RPS6KC1: variants seen among roughly 807,000 people sequenced by gnomAD.
The protein encoded by RPS6KC1 is ribosomal protein S6 kinase C1, also known as inactive ribosomal protein S6 kinase delta-1.
Under a neutral mutation model 103.8 loss-of-function variants are expected in RPS6KC1, and 54 were observed. The ratio of observed to expected loss-of-function variants is 0.52; its 90% CI spans 0.42 to 0.65. The LOEUF is 0.65. RPS6KC1 is among the 30% of genes least tolerant of loss of function. The pLI is 0.00. For synonymous variants in RPS6KC1, 439 were observed against 438.7 expected (o/e 1.00, Z -0.01); for missense variants, 1,151 against 1,253.8 (o/e 0.92, Z 1.24).
intron 1 of RPS6KC1, among the ~76,000 whole-genome samples, chr1:213,057,752 CTTTTTT>C (rs869259657): frequency 1.4e-5 from 1 of 73,664 alleles, no homozygotes; most frequent in Admixed American, 2.1e-4. Flanking sequence ...TCTGAAGTAT[CTTTTTT>C]TTTTTTTTTT....
intron 12 of RPS6KC1, among the ~76,000 whole-genome samples, chr1:213,252,068 T>C (rs1452653810): frequency 2.0e-5 from 3 of 152,228 alleles, no homozygotes; most frequent in Non-Finnish European, 4.4e-5. Context: ...TATTGTTGGA[T>C]ACAAAAAATG....
At chr1:213,716,019 G>A in the RPS6KC1 span, among the ~76,000 whole-genome samples, 9 of 152,056 alleles carry the variant, frequency 5.9e-5, no homozygotes, top group Non-Finnish European at 1.3e-4. Context: ...TAAGCTCCAT[G>A]AAATGCTTTG....
intron 8 of RPS6KC1, among the ~76,000 whole-genome samples, chr1:213,197,489 A>G (rs1237697275): frequency 6.6e-6 from 1 of 152,026 alleles, no homozygotes; most frequent in African/African-American, 2.4e-5. Flanking sequence ...TTCCTTGTAG[A>G]GATCTTTCAC....
At chr1:213,340,085 G>A in the RPS6KC1 span, among the ~76,000 whole-genome samples, 1 of 152,182 alleles carries the variant, frequency 6.6e-6, no homozygotes, top group East Asian at 1.9e-4. Flanking sequence ...GTAGAGACAG[G>A]TTGGTCAGGC....
chr1:213,616,675 G>A, the RPS6KC1 span, among the ~76,000 whole-genome samples: 1 of 152,256 alleles, frequency 6.6e-6, no homozygotes, highest in African/African-American at 2.4e-5. Flanking sequence ...AGGCTTAATA[G>A]CTACGTAACA....
the RPS6KC1 span, among the ~76,000 whole-genome samples, chr1:213,809,370 T>C: frequency 6.6e-6 from 1 of 152,158 alleles, no homozygotes; most frequent in African/African-American, 2.4e-5. Context: ...CAGATCACCA[T>C]ACCAGATATA....
At chr1:213,084,232 A>G (rs2148597074) in intron 3 of RPS6KC1, among the ~76,000 whole-genome samples, 2 of 151,784 alleles carry the variant, frequency 1.3e-5, no homozygotes, top group East Asian at 3.9e-4. Context: ...ACGTAATTTT[A>G]CATTATTTTA....
At chr1:213,117,712 G>T (rs1442814418) in intron 5 of RPS6KC1, among the ~76,000 whole-genome samples, 3 of 151,516 alleles carry the variant, frequency 2.0e-5, no homozygotes, top group Non-Finnish European at 4.4e-5. Context: ...TTCAGAATTT[G>T]TATTGTCTAG....
chr1:213,144,779 T>TA (rs1030609970), intron 6 of RPS6KC1, among the ~76,000 whole-genome samples: 4 of 151,122 alleles, frequency 2.6e-5, no homozygotes, highest in Non-Finnish European at 4.4e-5. Context: ...GTAGTCACAT[T>TA]AAAAAAAAAG....
At chr1:213,509,975 C>G in the RPS6KC1 span, among the ~76,000 whole-genome samples, 4 of 152,206 alleles carry the variant, frequency 2.6e-5, no homozygotes, top group African/African-American at 9.7e-5. Flanking sequence ...TATCTGGTCT[C>G]TTTCCCATCT....
At chr1:213,281,267 G>A in the RPS6KC1 span, among the ~76,000 whole-genome samples, 1 of 152,198 alleles carries the variant, frequency 6.6e-6, no homozygotes, top group Non-Finnish European at 1.5e-5. Context: ...TCAAGTGTAA[G>A]GCTCCGAGTA....
chr1:213,760,417 C>A, the RPS6KC1 span, among the ~76,000 whole-genome samples: 17 of 152,334 alleles, frequency 1.1e-4, no homozygotes, highest in African/African-American at 4.1e-4. Flanking sequence ...CATCCTCCCC[C>A]AGGTCAGCCC....
At chr1:213,649,443 C>T in the RPS6KC1 span, among the ~76,000 whole-genome samples, 2 of 152,090 alleles carry the variant, frequency 1.3e-5, no homozygotes, top group Admixed American at 6.5e-5. Flanking sequence ...ACCTAGCCCT[C>T]TGGCCACAGG....
At chr1:213,329,543 G>A in the RPS6KC1 span, among the ~76,000 whole-genome samples, 1 of 151,492 alleles carries the variant, frequency 6.6e-6, no homozygotes, top group Admixed American at 6.6e-5. Context: ...GCCTTCTGTA[G>A]CCCGTCCAGA....
intron 3 of RPS6KC1, among the ~76,000 whole-genome samples, chr1:213,093,587 A>G (rs940023989): frequency 1.3e-5 from 2 of 152,158 alleles, no homozygotes; most frequent in East Asian, 1.9e-4. Flanking sequence ...GTAATTTTGC[A>G]TATGATCGAG....
intron 12 of RPS6KC1, among the ~76,000 whole-genome samples, chr1:213,260,218 A>C (rs991683225): frequency 6.6e-6 from 1 of 152,216 alleles, no homozygotes; most frequent in Admixed American, 6.5e-5. Context: ...GAATTAGTTA[A>C]TATCTGGTTT....
rs57356088 is a variant in RPS6KC1, at chr1:213,177,276, C to T, written c.1044+784C>T. On this transcript the variant is annotated intron_variant, in intron 8 of 14. Coordinates refer to ENST00000366960, the MANE Select transcript of RPS6KC1 (RefSeq NM_012424.6). ...ACAAACCATGTTTTAAGTATATTTGCTCAACCACCGCTTTACCATTCAAAG... is the reference window on the plus strand; with the variant it reads ...ACAAACCATGTTTTAAGTATATTTGTTCAACCACCGCTTTACCATTCAAAG... 3.5e-3 allele frequency among the ~76,000 whole-genome samples: 527 copies of T among 152,224 alleles called. 3 individuals are homozygous for T. Among genetic ancestry groups the T allele is most frequent in the African/African-American group, 0.012 (490 of 41,546 alleles).
the RPS6KC1 span, among the ~76,000 whole-genome samples, chr1:213,541,496 C>A: frequency 2.6e-5 from 4 of 151,928 alleles, no homozygotes; most frequent in African/African-American, 9.7e-5. Context: ...ACAACAAAAA[C>A]CCCATGGTGT....
the RPS6KC1 span, among the ~76,000 whole-genome samples, chr1:213,356,380 G>C: frequency 6.6e-6 from 1 of 152,244 alleles, no homozygotes; most frequent in African/African-American, 2.4e-5. Context: ...CCCAGGCCAG[G>C]TGTGGTGGCT....
Sources: allele counts gnomAD v4.1 joint callset (sites outside exome capture counted in the v4.1 genomes callset), GRCh38; gene constraint gnomAD v4.1.1; transcripts MANE v1.5; gene names NCBI Gene and HGNC (gene_info 2026-07-23, HGNC 2026-07-21).